Variants in EXTL2 observed in about 807,000 individuals in gnomAD.
EXTL2 encodes exostosin-like 2.
A neutral mutation model predicts 30.7 loss-of-function variants in EXTL2; 23 were observed. The observed-to-expected ratio is 0.75, with a 90% CI of 0.54 to 1.06. EXTL2 has a LOEUF of 1.06. Among genes scored for constraint, EXTL2 ranks in the 50% least tolerant of loss-of-function variants. EXTL2 has a pLI of 0.00. For missense variants in EXTL2, 352 were observed against 396.3 expected (o/e 0.89, Z 0.95); for synonymous variants, 123 against 133.8 (o/e 0.92, Z 0.56).
At chr1:100,876,662 C>G (rs1460545244) in intron 4 of EXTL2, 132 bp downstream of exon 4, 16 of 576,972 alleles carry the variant, frequency 2.8e-5, no homozygotes, top group Non-Finnish European at 3.0e-5. Flanking sequence ...TAGCCTATAA[C>G]AAATTCATCC....
At chr1:100,887,841 G>A (rs551333416) in intron 2 of EXTL2, among the ~76,000 whole-genome samples, 19 of 152,204 alleles carry the variant, frequency 1.2e-4, no homozygotes, top group African/African-American at 4.6e-4. Context: ...TGGGACTACA[G>A]GCGTCCGCCA....
At chr1:100,889,108 G>A (rs1485704680) in intron 1 of EXTL2, among the ~76,000 whole-genome samples, 1 of 152,180 alleles carries the variant, frequency 6.6e-6, no homozygotes, top group Non-Finnish European at 1.5e-5. Flanking sequence ...ACCCCAGACT[G>A]GGTAATTTAT....
intron 2 of EXTL2, among the ~76,000 whole-genome samples, chr1:100,878,900 T>C (rs1386892280): frequency 3.3e-5 from 5 of 152,116 alleles, no homozygotes; most frequent in South Asian, 2.1e-4. Flanking sequence ...GGCACAGCCC[T>C]ACAGCTTCCA....
intron 2 of EXTL2, among the ~76,000 whole-genome samples, chr1:100,879,113 G>A (rs1480444164): frequency 3.9e-5 from 6 of 152,134 alleles, no homozygotes; most frequent in Non-Finnish European, 5.9e-5. Flanking sequence ...TTAAATCTCA[G>A]ACAGTTTTAT....
At chr1:100,892,333 C>T (rs557731352) in intron 1 of EXTL2, among the ~76,000 whole-genome samples, 11 of 152,258 alleles carry the variant, frequency 7.2e-5, no homozygotes, top group Non-Finnish European at 1.3e-4. Flanking sequence ...TCATCTTTCT[C>T]CTGTACTGGA....
chr1:100,877,930 A>G lies in EXTL2; in HGVS notation c.6-27T>C. On this transcript the variant is annotated intron_variant, in intron 2 of 4. Coordinates refer to ENST00000370114, the MANE Select transcript of EXTL2 (RefSeq NM_001033025.3). This position sits in a 1 kb window ranked among gnomAD's most constrained non-coding sequence, Gnocchi z 4.1. Reference sequence around the variant, plus strand: ...TGGAGTAGAAATGGAAACAACATACAAATGTTAGCATTCTTACGAGTCCCT... The same window carrying G: ...TGGAGTAGAAATGGAAACAACATACGAATGTTAGCATTCTTACGAGTCCCT... 6.5e-7 allele frequency: 1 copy of G among 1,538,010 alleles called. No homozygotes were observed. Among genetic ancestry groups the G allele is most frequent in the Admixed American group, 1.8e-5 (1 of 56,346 alleles).
chr1:100,878,759 G>A (rs1016061032), intron 2 of EXTL2, among the ~76,000 whole-genome samples: 1 of 151,934 alleles, frequency 6.6e-6, no homozygotes, highest in Non-Finnish European at 1.5e-5. Context: ...GAGATTACAT[G>A]CCCTTCCCAA....
intron 2 of EXTL2, among the ~76,000 whole-genome samples, chr1:100,880,579 T>C (rs531667457): frequency 1.3e-5 from 2 of 152,330 alleles, no homozygotes; most frequent in East Asian, 1.9e-4. Flanking sequence ...TACTAAAACA[T>C]GTAATGTTAA....
At chr1:100,886,064 A>G (rs926865666) in intron 2 of EXTL2, among the ~76,000 whole-genome samples, 15 of 152,240 alleles carry the variant, frequency 9.9e-5, no homozygotes, top group Non-Finnish European at 1.9e-4. Flanking sequence ...AGTGATATGA[A>G]TGGATCATTT....
intron 2 of EXTL2, chr1:100,881,150 A>C: frequency 1.7e-6 from 1 of 581,404 alleles, no homozygotes; most frequent in Non-Finnish European, 2.2e-6. Context: ...CAACCCAATA[A>C]AATTATGTAA....
intron 1 of EXTL2, among the ~76,000 whole-genome samples, chr1:100,894,391 G>A (rs999364392): frequency 1.3e-5 from 2 of 152,064 alleles, no homozygotes; most frequent in Non-Finnish European, 2.9e-5. Flanking sequence ...TGAAATATAC[G>A]CTAACAAAGG....
At chr1:100,892,495 T>C (rs1650511142) in intron 1 of EXTL2, among the ~76,000 whole-genome samples, 1 of 152,206 alleles carries the variant, frequency 6.6e-6, no homozygotes, top group Non-Finnish European at 1.5e-5. Flanking sequence ...GGGACTCTGA[T>C]TGAGCCACTA....
intron 2 of EXTL2, among the ~76,000 whole-genome samples, chr1:100,881,239 T>C (rs1324112086): frequency 6.6e-6 from 1 of 152,226 alleles, no homozygotes; most frequent in Non-Finnish European, 1.5e-5. Context: ...ACTTTGACAA[T>C]AGCTGAGGTC....
intron 1 of EXTL2, among the ~76,000 whole-genome samples, chr1:100,892,443 G>C (rs1650506011): frequency 1.3e-5 from 2 of 152,176 alleles, no homozygotes; most frequent in Non-Finnish European, 2.9e-5. Flanking sequence ...TTTGGCCACA[G>C]ACTGAAGGCG....
At chr1:100,879,714 G>A (rs538130798) in intron 2 of EXTL2, among the ~76,000 whole-genome samples, 1 of 152,186 alleles carries the variant, frequency 6.6e-6, no homozygotes, top group African/African-American at 2.4e-5. Context: ...ACTGCAAAGA[G>A]CTACTGTCAC....
rs749139678 is a variant in EXTL2, at chr1:100,873,700, C to G, written c.*242G>C. The G allele has an allele frequency of 2.9e-5, 11 of 373,422 alleles. No individual in the cohort carries two copies. The East Asian group carries it at 5.1e-4, about 17-fold the overall frequency. The allele number at this position is 373,422 out of a possible 1,614,324, so 23.1% of individuals were successfully genotyped here. A position where few individuals can be genotyped will look rare whatever the true frequency, so the allele number is the denominator to read the frequency against. On this transcript the variant is annotated 3_prime_UTR_variant, in exon 5 of 5. Transcript: ENST00000370114. The stretch of plus-strand genomic sequence containing the variant: ...TCTCAGGATGTAAACAATAAAATCA[C>G]TGACCAAGGAGTTATATCCCTGGAT...
intron 2 of EXTL2, among the ~76,000 whole-genome samples, chr1:100,882,018 G>A (rs1649599160): frequency 6.6e-6 from 1 of 152,202 alleles, no homozygotes; most frequent in African/African-American, 2.4e-5. Context: ...CTGTGCATGT[G>A]AGGGATCTAG....
chr1:100,877,465 C>T lies in EXTL2; in HGVS notation c.433+11G>A. On this transcript the variant is annotated intron_variant, in intron 3 of 4. Coordinates refer to ENST00000370114, the MANE Select transcript of EXTL2 (RefSeq NM_001033025.3). This position sits in a 1 kb window ranked among gnomAD's most constrained non-coding sequence, Gnocchi z 4.1. ...CAGCCTTTCCAGGCTGAGAACTACACTGCAACTCACCATTGGTTTCCAGTT... is the reference window on the plus strand; with the variant it reads ...CAGCCTTTCCAGGCTGAGAACTACATTGCAACTCACCATTGGTTTCCAGTT... 6.4e-7 allele frequency: 1 copy of T among 1,573,012 alleles called. No homozygotes were observed. The highest frequency in any genetic ancestry group is 8.6e-7 in the Non-Finnish European group (1 of 1,160,322).
At chr1:100,883,350 C>A (rs1347303068) in intron 2 of EXTL2, among the ~76,000 whole-genome samples, 1 of 152,084 alleles carries the variant, frequency 6.6e-6, no homozygotes, top group African/African-American at 2.4e-5. Context: ...CAGAAAGAAA[C>A]CCCAGACCCA....
Sources: gnomAD v4.1 joint callset for allele counts (sites outside exome capture counted in the v4.1 genomes callset) on GRCh38, gnomAD v4.1.1 for gene constraint, Gnocchi (gnomAD v3.1) non-coding constraint, MANE v1.5 for transcripts, NCBI Gene and HGNC (gene_info 2026-07-23, HGNC 2026-07-21) for gene names.